VPS8: variants seen among roughly 807,000 people sequenced by gnomAD.
VPS8 encodes VPS8 subunit of CORVET complex.
VPS8 carries 129 observed loss-of-function variants against 216.4 expected under a neutral mutation model. That is an observed-to-expected ratio of 0.60 (90% CI 0.52 to 0.69). The LOEUF (loss-of-function observed/expected upper bound fraction) is 0.69. Ranked by LOEUF, VPS8 falls within the 30% of genes least tolerant of loss-of-function variation. VPS8 has a pLI of 0.00. For synonymous variants in VPS8, 571 were observed against 565.4 expected, an observed-to-expected ratio of 1.01 and a Z score of -0.14; for missense variants, 1,531 against 1,683.5, an observed-to-expected ratio of 0.91 and a Z score of 1.59.
intron 36 of VPS8, 102 bp from the exon 37 acceptor site, chr3:184,957,272 T>A (rs1214802524): frequency 8.3e-7 from 1 of 1,198,308 alleles, no homozygotes; most frequent in Non-Finnish European, 1.2e-6. Context: ...CAGCAGGTAG[T>A]CCTAGTTTTA....
chr3:184,930,468 A>C lies in VPS8; in HGVS notation c.2800-2A>C. 1.2e-6 allele frequency: 2 copies of C among 1,606,922 alleles called. No individual in the cohort carries two copies. Among genetic ancestry groups the C allele is most frequent in the Non-Finnish European group, 1.7e-6 (2 of 1,173,722 alleles). ...TAAATTATATTGTCTTGTGCTCTTC[A>C]GGAAGAAGTCTTTAATTACATTCAC... is the stretch of plus-strand genomic sequence containing the variant. On this transcript the variant is annotated splice_acceptor_variant, in intron 33 of 47. Transcript: ENST00000625842. LOFTEE classifies it high-confidence loss of function.
In VPS8 at chr3:185,051,876, C is replaced by T. The variant is rs747926047; in HGVS notation, c.4138C>T (p.Leu1380=). 2 of 1,596,032 alleles carry T rather than the reference C, an allele frequency of 1.3e-6. No homozygotes were observed. The highest frequency in any genetic ancestry group is 1.7e-5 in the Admixed American group (1 of 57,722). Residue 1380 remains leucine (L), a splice_region_variant and synonymous_variant, in exon 48 of 48, where the codon CTG becomes TTG. Coordinates refer to ENST00000625842, the MANE Select transcript of VPS8 (RefSeq NM_001009921.3). ...GCTGATGTGTGTCCTTCCTTTGCAGCTGGCTCTCCTCACGGAACTCTCCCA... is the reference window on the plus strand; with the variant it reads ...GCTGATGTGTGTCCTTCCTTTGCAGTTGGCTCTCCTCACGGAACTCTCCCA... ...LCRLYRGSSR[L]ALLTELSQNR...
At chr3:184,895,956 A>G (rs1021806202) in intron 23 of VPS8, among the ~76,000 whole-genome samples, 1 of 151,782 alleles carries the variant, frequency 6.6e-6, no homozygotes, top group East Asian at 2.0e-4. Context: ...TTTTAATTCC[A>G]CATTAGTCCT....
intron 1 of VPS8, among the ~76,000 whole-genome samples, chr3:184,821,090 A>G (rs1475363917): frequency 6.6e-6 from 1 of 152,258 alleles, no homozygotes; most frequent in African/African-American, 2.4e-5. Context: ...AATAGCTAAT[A>G]TCTGTTGAAA....
intron 39 of VPS8, among the ~76,000 whole-genome samples, chr3:184,969,284 AT>A (rs1426030658): frequency 6.6e-6 from 1 of 150,440 alleles, no homozygotes; most frequent in African/African-American, 2.5e-5. Context: ...CACCCGGCTA[AT>A]TTTTGTATTT....
At chr3:184,985,357 GT>G (rs1386657157) in intron 42 of VPS8, among the ~76,000 whole-genome samples, 1 of 151,804 alleles carries the variant, frequency 6.6e-6, no homozygotes, top group Admixed American at 6.6e-5. Context: ...TTTTTTATTT[GT>G]TTATGTCCCT....
At chr3:184,956,284 A>G (rs577295782) in intron 36 of VPS8, among the ~76,000 whole-genome samples, 4 of 152,310 alleles carry the variant, frequency 2.6e-5, no homozygotes, top group East Asian at 1.9e-4. Flanking sequence ...TGTACTGTAC[A>G]TGGTTACAAG....
At chr3:184,944,665 T>G in intron 36 of VPS8, 1 of 816,588 alleles carries the variant, frequency 1.2e-6, no homozygotes, top group Non-Finnish European at 1.5e-6. Context: ...TTGTTAACAA[T>G]ATTCTGAAGG....
chr3:185,009,614 G>T (rs79445568), intron 45 of VPS8, among the ~76,000 whole-genome samples: 1 of 152,092 alleles, frequency 6.6e-6, no homozygotes, highest in Non-Finnish European at 1.5e-5. Context: ...TTTTTTGCGG[G>T]GGGTAGGGAA....
chr3:184,926,209 A>C (rs898404114), intron 30 of VPS8, among the ~76,000 whole-genome samples: 1 of 151,400 alleles, frequency 6.6e-6, no homozygotes, highest in Non-Finnish European at 1.5e-5. Flanking sequence ...CCCCGTCTCT[A>C]CTAAAAAAAT....
At chr3:185,033,918 T>C (rs1211083372) in intron 46 of VPS8, among the ~76,000 whole-genome samples, 2 of 152,230 alleles carry the variant, frequency 1.3e-5, no homozygotes, top group Non-Finnish European at 2.9e-5. Context: ...TTATTTTCCA[T>C]TTGTATATCT....
rs369480053 is a variant in VPS8 at position 184,824,689 on chromosome 3, C to T, written c.57C>T (p.Ser19=). The change falls in exon 2 of 48, where the codon AGC becomes AGT. Residue 19 remains serine, a synonymous_variant. Coordinates refer to ENST00000625842, the MANE Select transcript of VPS8 (RefSeq NM_001009921.3). ...NVEQSLCAKT[S]EEELNKSFNL... is the part of the protein sequence containing the mutation. ...AACAGAGCCTCTGTGCCAAGACGAG[C>T]GAAGAAGAGCTGAATAAGTCTTTCA... 137 of 1,613,744 alleles carry T rather than the reference C, an allele frequency of 8.5e-5. No homozygotes were observed. The African/African-American group carries it at 1.2e-3, about 14-fold the overall frequency.
intron 46 of VPS8, among the ~76,000 whole-genome samples, chr3:185,027,616 T>A (rs1462940217): frequency 6.6e-6 from 1 of 152,190 alleles, no homozygotes; most frequent in African/African-American, 2.4e-5. Context: ...AACACTGTTA[T>A]CAGAGTGAGA....
intron 35 of VPS8, among the ~76,000 whole-genome samples, chr3:184,937,710 T>TA (rs1437575101): frequency 6.6e-6 from 1 of 152,112 alleles, no homozygotes; most frequent in Admixed American, 6.6e-5. Context: ...GCTTTCTTAA[T>TA]AAAAAGGTTC....
At chr3:184,911,547 A>G (rs1159318756) in intron 25 of VPS8, among the ~76,000 whole-genome samples, 1 of 152,226 alleles carries the variant, frequency 6.6e-6, no homozygotes, top group Non-Finnish European at 1.5e-5. Context: ...AAGGGTAGAG[A>G]GTGGGCAAGA....
intron 23 of VPS8, among the ~76,000 whole-genome samples, chr3:184,895,822 C>T (rs1048234083): frequency 1.3e-5 from 2 of 149,684 alleles, no homozygotes; most frequent in African/African-American, 2.5e-5. Context: ...TTAGTAGAGA[C>T]GGGGCTTCAC....
rs570565481 is a variant in VPS8 at position 184,915,534 on chromosome 3, G to A, written c.2382+60G>A. 3,160 of 1,556,100 alleles carry A rather than the reference G, an allele frequency of 2.0e-3. 32 individuals are homozygous for A. The highest frequency in any genetic ancestry group is 0.017 in the Middle Eastern group (74 of 4,350). On this transcript the variant is annotated intron_variant, in intron 28 of 47. Transcript: ENST00000625842. The stretch of plus-strand genomic sequence containing the variant: ...GAAGACAGAGCAATAATTTTTTGGC[G>A]GGGTGTGGTGGCTCACCCCTGTAAT...
At chr3:184,864,558 C>T (rs923286213) in intron 16 of VPS8, among the ~76,000 whole-genome samples, 3 of 152,126 alleles carry the variant, frequency 2.0e-5, no homozygotes, top group Non-Finnish European at 4.4e-5. Flanking sequence ...GGGCTGAAAA[C>T]AGTGCTTGTT....
chr3:184,862,434 G>T (rs1726548856), intron 15 of VPS8, among the ~76,000 whole-genome samples: 1 of 152,126 alleles, frequency 6.6e-6, no homozygotes, highest in South Asian at 2.1e-4. Context: ...GATTTTGAAG[G>T]AAGTAGATTG....
Sources: allele counts gnomAD v4.1 joint callset (sites outside exome capture counted in the v4.1 genomes callset), GRCh38; gene constraint gnomAD v4.1.1; transcripts MANE v1.5; gene names NCBI Gene and HGNC (gene_info 2026-07-23, HGNC 2026-07-21).